The following CNBD1 variants were observed in gnomAD, a reference collection of about 807,000 sequenced individuals.
CNBD1 encodes the protein cyclic nucleotide-binding domain-containing protein 1.
In CNBD1, 71 loss-of-function variants were observed where a neutral mutation model predicts 54.4. The observed-to-expected ratio is 1.30, with a 90% CI of 1.08 to 1.59. The LOEUF is 1.59. Ranked by LOEUF, CNBD1 falls within the 40% of genes most tolerant of loss-of-function variation. The pLI is 0.00. For synonymous variants in CNBD1, 182 were observed against 170.7 expected, an observed-to-expected ratio of 1.07 and a Z score of -0.51; for missense variants, 659 against 518.0, an observed-to-expected ratio of 1.27 and a Z score of -2.64.
At chr8:87,369,089 A>G (rs1810705086) in intron 10 of CNBD1, among the ~76,000 whole-genome samples, 1 of 152,102 alleles carries the variant, frequency 6.6e-6, no homozygotes, top group Non-Finnish European at 1.5e-5. Flanking sequence ...CATTATCCTT[A>G]TGTAGTTATT....
At chr8:87,018,359 A>C (rs1029453642) in intron 4 of CNBD1, among the ~76,000 whole-genome samples, 7 of 152,216 alleles carry the variant, frequency 4.6e-5, no homozygotes, top group African/African-American at 1.7e-4. Context: ...ACACAAATTG[A>C]CCTTGCTATA....
At chr8:87,034,652 A>T (rs1809869124) in intron 4 of CNBD1, among the ~76,000 whole-genome samples, 2 of 152,188 alleles carry the variant, frequency 1.3e-5, no homozygotes, top group African/African-American at 4.8e-5. Context: ...ATGATAACAT[A>T]GACTCGTATA....
intron 8 of CNBD1, among the ~76,000 whole-genome samples, chr8:87,325,647 ATTTGC>A (rs1809651152): frequency 7.5e-6 from 1 of 133,236 alleles, no homozygotes; most frequent in Non-Finnish European, 1.6e-5. Flanking sequence ...TTTGTTTTCC[ATTTGC>A]TTGGTAGATC....
chr8:87,380,252 T>C (rs574454059), intron 10 of CNBD1, among the ~76,000 whole-genome samples: 7 of 152,122 alleles, frequency 4.6e-5, no homozygotes, highest in African/African-American at 9.6e-5. Flanking sequence ...CTAAATAGTA[T>C]ACAGTTAGAA....
chr8:87,199,263 C>A (rs552841142), intron 4 of CNBD1, among the ~76,000 whole-genome samples: 1 of 152,274 alleles, frequency 6.6e-6, no homozygotes, highest in African/African-American at 2.4e-5. Context: ...AAGCGACAAA[C>A]AGAGATTCTG....
At chr8:87,176,646 G>A (rs572082058) in intron 4 of CNBD1, among the ~76,000 whole-genome samples, 3 of 147,300 alleles carry the variant, frequency 2.0e-5, no homozygotes, top group East Asian at 2.0e-4. Context: ...CACCACGCCC[G>A]GCTAAATTTT....
intron 4 of CNBD1, among the ~76,000 whole-genome samples, chr8:87,179,941 G>C (rs1813278122): frequency 6.6e-6 from 1 of 152,154 alleles, no homozygotes; most frequent in Non-Finnish European, 1.5e-5. Context: ...CATTTCCCAG[G>C]AGGGCTAATT....
At chr8:87,045,261 A>G (rs1810157348) in intron 4 of CNBD1, among the ~76,000 whole-genome samples, 1 of 152,218 alleles carries the variant, frequency 6.6e-6, no homozygotes, top group Non-Finnish European at 1.5e-5. Context: ...AACACAAGAC[A>G]TACAAGAAAA....
At chr8:87,190,999 TCTC>T (rs765339979) in intron 4 of CNBD1, among the ~76,000 whole-genome samples, 1 of 149,720 alleles carries the variant, frequency 6.7e-6, no homozygotes, top group South Asian at 2.1e-4. Context: ...GAAAGCTAAT[TCTC>T]CTTAATAAAC....
At chr8:87,378,902 T>C (rs2130957104) in intron 10 of CNBD1, among the ~76,000 whole-genome samples, 1 of 149,544 alleles carries the variant, frequency 6.7e-6, no homozygotes, top group African/African-American at 2.5e-5. Flanking sequence ...AGGTATTTTA[T>C]TCTCTTTGAA....
At chr8:87,005,857 T>C (rs1248139412) in intron 4 of CNBD1, among the ~76,000 whole-genome samples, 1 of 152,054 alleles carries the variant, frequency 6.6e-6, no homozygotes, top group African/African-American at 2.4e-5. Flanking sequence ...GGAGATGGGG[T>C]GCTCTATCTT....
chr8:87,258,665 G>T (rs1438523649), intron 6 of CNBD1, among the ~76,000 whole-genome samples: 1 of 152,000 alleles, frequency 6.6e-6, no homozygotes, highest in Non-Finnish European at 1.5e-5. Flanking sequence ...TGCACTAGTG[G>T]ACTATTAATG....
intron 10 of CNBD1, among the ~76,000 whole-genome samples, chr8:87,365,259 G>A (rs111532460): frequency 1.3e-5 from 2 of 151,980 alleles, no homozygotes; most frequent in East Asian, 3.9e-4. Flanking sequence ...CTAATGATTA[G>A]TGATATTGTG....
chr8:87,176,605 C>T (rs1307019320), intron 4 of CNBD1, among the ~76,000 whole-genome samples: 1 of 151,546 alleles, frequency 6.6e-6, no homozygotes, highest in African/African-American at 2.4e-5. Flanking sequence ...CTGCCCCAGC[C>T]TCCCGATTAG....
rs547234255 is a variant in CNBD1 at position 87,389,749 on chromosome 8, C to G, written c.213+35963C>G. On this transcript the variant is annotated intron_variant, in intron 2 of 7. Coordinates refer to the CNBD1 transcript ENST00000521593. Reference sequence around the variant, plus strand: ...CTTTCTTCACAGAAATGGAAAAAAACTAAAGTTCATATGGAACCAAAAAGG... The same window carrying G: ...CTTTCTTCACAGAAATGGAAAAAAAGTAAAGTTCATATGGAACCAAAAAGG... Among the ~76,000 whole-genome samples the G allele has an allele frequency of 9.2e-4, 136 of 147,550 alleles. 2 individuals are homozygous for G. The Middle Eastern group carries it at 0.024, about 26-fold the overall frequency.
intron 3 of CNBD1, among the ~76,000 whole-genome samples, chr8:86,910,905 G>A (rs1472043746): frequency 6.6e-6 from 1 of 152,198 alleles, no homozygotes; most frequent in African/African-American, 2.4e-5. Flanking sequence ...ATGAGCTTGA[G>A]GAGGTGGTGT....
chr8:87,269,304 T>A (rs949957951), intron 6 of CNBD1, among the ~76,000 whole-genome samples: 1 of 152,146 alleles, frequency 6.6e-6, no homozygotes, highest in South Asian at 2.1e-4. Context: ...ACTAGTACTA[T>A]GCTGTTTTGG....
chr8:87,222,953 A>C (rs2130810536), intron 5 of CNBD1, among the ~76,000 whole-genome samples: 1 of 152,142 alleles, frequency 6.6e-6, no homozygotes, highest in Admixed American at 6.5e-5. Flanking sequence ...TATGAAACTT[A>C]TTCCTAACCA....
At chr8:87,410,083 G>A (rs1362661646) in intron 2 of CNBD1, among the ~76,000 whole-genome samples, 2 of 151,792 alleles carry the variant, frequency 1.3e-5, no homozygotes, top group Non-Finnish European at 2.9e-5. Context: ...GAACATAAAA[G>A]CCTGGATGAC....
Sources: gnomAD v4.1 joint callset for allele counts (sites outside exome capture counted in the v4.1 genomes callset) on GRCh38, gnomAD v4.1.1 for gene constraint, MANE v1.5 for transcripts, NCBI Gene and HGNC (gene_info 2026-07-23, HGNC 2026-07-21) for gene names.